USP7: variants seen among roughly 807,000 people sequenced by gnomAD.
The protein encoded by USP7 is ubiquitin specific peptidase 7.
In USP7, 9 loss-of-function variants were observed where a neutral mutation model predicts 162.9. The ratio of observed to expected loss-of-function variants is 0.06; its 90% CI spans 0.03 to 0.10. The LOEUF is 0.10. Among genes scored for constraint, USP7 ranks in the 10% least tolerant of loss-of-function variants. The probability of loss-of-function intolerance (pLI) is 1.00; values close to 1 mark genes in which losing one functional copy is unlikely to be tolerated. For synonymous variants in USP7, 562 were observed against 475.9 expected (o/e 1.18, Z -2.35); for missense variants, 715 against 1,373.7 (o/e 0.52, Z 7.58).
rs778620228 is a variant in USP7, at chr16:8,894,534, G to GC, written c.3202+15_3202+16insG. 5.3e-4 allele frequency: 845 copies of GC among 1,609,450 alleles called. No individual in the cohort carries two copies. Among genetic ancestry groups the GC allele is most frequent in the Non-Finnish European group, 6.3e-4 (737 of 1,179,166 alleles). ...CTGAAACCCACACCAGCCCCCGGGG[G>GC]GGGGAGAACCCTTACCGGGCTGTGG... On this transcript the variant is annotated intron_variant, in intron 30 of 30. Transcript: ENST00000344836.
intron 1 of USP7, among the ~76,000 whole-genome samples, chr16:8,946,004 G>A (rs554264614): frequency 6.6e-6 from 1 of 152,148 alleles, no homozygotes; most frequent in Non-Finnish European, 1.5e-5. Context: ...GGGGAGAATG[G>A]AAGAGTCCAG....
chr16:8,960,899 G>C (rs1899980962), intron 1 of USP7, among the ~76,000 whole-genome samples: 2 of 152,144 alleles, frequency 1.3e-5, no homozygotes, highest in Admixed American at 1.3e-4. Flanking sequence ...ACTATTATTT[G>C]TCCACAGCCT....
At chr16:8,923,525 T>C in intron 2 of USP7, 112 bp from the exon 3 acceptor site, 1 of 1,165,326 alleles carries the variant, frequency 8.6e-7, no homozygotes, top group Non-Finnish European at 1.2e-6. Context: ...TGCTAAAACC[T>C]AACAGTTTGA....
intron 1 of USP7, among the ~76,000 whole-genome samples, chr16:8,940,412 A>T (rs1898984149): frequency 6.6e-6 from 1 of 152,186 alleles, no homozygotes; most frequent in Non-Finnish European, 1.5e-5. Flanking sequence ...CGGCTTCTTG[A>T]ACACAACGAG....
At chr16:8,900,343 C>T (rs184369675) in intron 21 of USP7, among the ~76,000 whole-genome samples, 187 bp downstream of exon 21, 128 of 152,218 alleles carry the variant, frequency 8.4e-4, no homozygotes, top group Non-Finnish European at 1.6e-3. Context: ...TTGAGAAGAG[C>T]TTTATGAGAT....
chr16:8,918,186 G>A (rs1173658717), intron 6 of USP7, among the ~76,000 whole-genome samples: 8 of 152,058 alleles, frequency 5.3e-5, no homozygotes. Flanking sequence ...GCTGTCCCTG[G>A]GATATATCAC....
intron 1 of USP7, among the ~76,000 whole-genome samples, chr16:8,947,155 G>A (rs932594457): frequency 1.3e-5 from 2 of 152,054 alleles, no homozygotes; most frequent in African/African-American, 4.8e-5. Context: ...CACTGCAGCT[G>A]ACTGAATGCA....
chr16:8,960,629 A>T (rs936387455), intron 1 of USP7, among the ~76,000 whole-genome samples: 7 of 152,314 alleles, frequency 4.6e-5, no homozygotes, highest in East Asian at 1.9e-4. Context: ...TTCGTTAGGA[A>T]CCGAGGCAGA....
At chr16:8,919,285 T>G (rs1897545744) in intron 5 of USP7, 146 bp from the exon 6 acceptor site, 1 of 744,690 alleles carries the variant, frequency 1.3e-6, no homozygotes. Flanking sequence ...GGTCACCGAT[T>G]CCCTTCTGCT....
At position 8,920,439 on chromosome 16, in the gene USP7, G is replaced by A. The variant is rs139769784; in HGVS notation, c.531C>T (p.Thr177=). 36 of 1,611,780 alleles carry A rather than the reference G, an allele frequency of 2.2e-5. No homozygotes were observed. The highest frequency in any genetic ancestry group is 2.1e-4 in the African/African-American group (16 of 74,902). Residue 177 remains threonine (T), a synonymous_variant, in exon 5 of 31, where the codon ACC becomes ACT. Coordinates refer to ENST00000344836, the MANE Select transcript of USP7 (RefSeq NM_003470.3). ...CATCTATAAATCCTTTCTCAGGATC[G>A]GTCACTTCCTATAAAACATAAATAA... ...FSNFMAWSEV[T]DPEKGFIDDD...
intron 1 of USP7, among the ~76,000 whole-genome samples, chr16:8,950,264 T>G (rs912119459): frequency 1.3e-5 from 2 of 152,122 alleles, no homozygotes; most frequent in Non-Finnish European, 2.9e-5. Context: ...AGCCTTGGTA[T>G]CTAGGCTTGC....
chr16:8,963,042 A>G, intron 1 of USP7, 165 bp downstream of exon 1: 2 of 472,812 alleles, frequency 4.2e-6, no homozygotes, highest in Non-Finnish European at 5.8e-6. Context: ...CGGACCCGGC[A>G]TGACTTTGCA....
At chr16:8,938,988 G>T (rs978944859) in intron 1 of USP7, among the ~76,000 whole-genome samples, 3 of 152,056 alleles carry the variant, frequency 2.0e-5, no homozygotes, top group Admixed American at 1.3e-4. Context: ...TAATACCAAG[G>T]GACAGGGAGA....
chr16:8,894,752 C>A (rs545067647), intron 29 of USP7, 32 bp downstream of exon 29: 1 of 1,614,146 alleles, frequency 6.2e-7, no homozygotes, highest in Non-Finnish European at 8.5e-7. Context: ...GCCTATGGCC[C>A]GCCAAGCCCC....
At chr16:8,936,114 C>A (rs537142990) in intron 1 of USP7, among the ~76,000 whole-genome samples, 66 of 152,290 alleles carry the variant, frequency 4.3e-4, no homozygotes, top group African/African-American at 1.5e-3. Context: ...CCATGTCCTG[C>A]CACCAGGTGG....
In USP7 at chr16:8,895,659, G is replaced by A. The variant is rs2061670075; in HGVS notation, c.2902C>T (p.Arg968Trp). ...ACAGATACCTCTATTCGAAACGTCC[G>A]GCTCGTTGCAGGAGATAAACATTCT... ...LLECLSPATS[R>W]TFRIEEIPLD... The change falls in exon 27 of 31, where the codon CGG becomes TGG. Residue 968 changes from arginine (R) to tryptophan (W), a missense_variant. By Grantham distance (101) the Arg-to-Trp change is moderately radical (BLOSUM62 -3). This residue lies in a region of USP7 where 222 missense variants were observed against 441.7 expected (regional missense o/e 0.50). Coordinates refer to ENST00000344836, the MANE Select transcript of USP7 (RefSeq NM_003470.3). 2 of 1,612,980 alleles carry A rather than the reference G, an allele frequency of 1.2e-6. No individual in the cohort carries two copies. The highest frequency in any genetic ancestry group is 1.1e-5 in the South Asian group (1 of 90,630).
chr16:8,917,186 C>A, intron 6 of USP7, 30 bp from the exon 7 acceptor site: 2 of 1,571,868 alleles, frequency 1.3e-6, no homozygotes, highest in South Asian at 2.4e-5. Flanking sequence ...AGAATTTTTA[C>A]TCTGAGAAGA....
At chr16:8,936,175 C>T (rs1457383551) in intron 1 of USP7, among the ~76,000 whole-genome samples, 2 of 152,194 alleles carry the variant, frequency 1.3e-5, no homozygotes, top group Non-Finnish European at 2.9e-5. Context: ...GGTGTCTCCA[C>T]TCAGCCCCCC....
At chr16:8,896,732 G>A (rs2061686659) in intron 26 of USP7, among the ~76,000 whole-genome samples, 1 of 152,180 alleles carries the variant, frequency 6.6e-6, no homozygotes, top group South Asian at 2.1e-4. Flanking sequence ...GGGGAAGGAG[G>A]AAAAACGTGG....
Sources: allele counts gnomAD v4.1 joint callset (sites outside exome capture counted in the v4.1 genomes callset), GRCh38; gene constraint gnomAD v4.1.1; regional missense constraint gnomAD v4.1.1; transcripts MANE v1.5; gene names NCBI Gene and HGNC (gene_info 2026-07-23, HGNC 2026-07-21).